Variants in BMP7 observed in about 807,000 individuals in gnomAD.
The protein encoded by BMP7 is osteogenic protein 1.
Under a neutral mutation model 41.2 loss-of-function variants are expected in BMP7, and 12 were observed. That is an observed-to-expected ratio of 0.29 (90% CI 0.19 to 0.47). The LOEUF is 0.47. Ranked by LOEUF, BMP7 falls within the 20% of genes least tolerant of loss-of-function variation. The pLI is 0.99. For missense variants in BMP7, 467 were observed against 606.0 expected (o/e 0.77, Z 2.41); for synonymous variants, 248 against 250.0 (o/e 0.99, Z 0.07).
intron 1 of BMP7, among the ~76,000 whole-genome samples, chr20:57,249,364 A>C (rs2066103219): frequency 6.6e-6 from 1 of 152,122 alleles, no homozygotes; most frequent in African/African-American, 2.4e-5. Context: ...CAACGGAAGA[A>C]GCAGTGATCT....
In BMP7 at chr20:57,171,060, T is replaced by C. The variant is rs2123054217; in HGVS notation, c.1195A>G (p.Thr399Ala). ...ETVPKPCCAP[T>A]QLNAISVLYF... ...AGGACGGAGATGGCATTGAGCTGCG[T>C]GGGCGCACAGCAGGGCTTGGGCACC... is the stretch of plus-strand genomic sequence containing the variant. The change falls in exon 7 of 7, where the codon ACG (threonine) becomes GCG (alanine). Residue 399 changes from threonine to alanine, a missense_variant. Thr to Ala is a moderately conservative substitution (Grantham distance 58, BLOSUM62 0). Around this residue, in one of 2 missense-constraint regions of BMP7, gnomAD observed 60 missense variants for 120.1 expected, o/e 0.50. Transcript: ENST00000395863. The surrounding 1 kb of genome is among the most constrained non-coding windows in gnomAD (Gnocchi z 4.5). 1 of 1,614,218 alleles carries C rather than the reference T, an allele frequency of 6.2e-7. No homozygotes were observed. Among genetic ancestry groups the C allele is most frequent in the East Asian group, 2.2e-5 (1 of 44,892 alleles).
intron 1 of BMP7, among the ~76,000 whole-genome samples, chr20:57,238,026 C>T (rs141552118): frequency 6.6e-5 from 10 of 152,326 alleles, no homozygotes; most frequent in South Asian, 6.2e-4. Context: ...TTTAAACACA[C>T]GGGATACCAT....
intron 1 of BMP7, among the ~76,000 whole-genome samples, chr20:57,233,495 G>T (rs1245423756): frequency 3.3e-5 from 5 of 152,224 alleles, no homozygotes; most frequent in Admixed American, 6.5e-5. Flanking sequence ...GGGCTGGAAG[G>T]TGTCAATAAT....
intron 2 of BMP7, among the ~76,000 whole-genome samples, chr20:57,219,693 A>G (rs46995): frequency 0.64 from 97,867 of 152,042 alleles, 32,601 homozygotes; most frequent in African/African-American, 0.82. Flanking sequence ...CGGGACTAGG[A>G]TGAGGGTGCA....
chr20:57,189,893 G>T (rs886473374), intron 3 of BMP7, among the ~76,000 whole-genome samples: 1 of 152,246 alleles, frequency 6.6e-6, no homozygotes, highest in East Asian at 1.9e-4. Flanking sequence ...GCACAGTGCT[G>T]TGTCTGATGG....
intron 3 of BMP7, among the ~76,000 whole-genome samples, chr20:57,190,076 G>A (rs993753594): frequency 6.6e-6 from 1 of 152,256 alleles, no homozygotes; most frequent in Non-Finnish European, 1.5e-5. Context: ...CAGTGAAGAG[G>A]CCAGTGAGGC....
At position 57,265,964 on chromosome 20, in the gene BMP7, C is replaced by G; in HGVS notation, c.159G>C (p.Glu53Asp). The change falls in exon 1 of 7, where the codon GAG becomes GAC. Residue 53 changes from glutamate to aspartate, a missense_variant. Physicochemically the swap from Glu to Asp is conservative, Grantham distance 45 (BLOSUM62 2). Coordinates refer to ENST00000395863, the MANE Select transcript of BMP7 (RefSeq NM_001719.3). ...AAATGGAGAGGATCTCGCGCTGCAT[C>G]TCCCGCCGCTCCTGGCTGCGGAGGC... ...HRRLRSQERR[E>D]MQREILSILG... The G allele has an allele frequency of 6.4e-7, 1 of 1,550,748 alleles. No individual in the cohort carries two copies. The highest frequency in any genetic ancestry group is 8.7e-7 in the Non-Finnish European group (1 of 1,147,084).
Position 57,228,195 on chromosome 20 carries a change from C to T in BMP7, c.611+34G>A. 6.2e-7 allele frequency: 1 copy of T among 1,608,480 alleles called. No individual in the cohort carries two copies. The highest frequency in any genetic ancestry group is 1.3e-5 in the African/African-American group (1 of 74,896). ...TCTTCCTCTGCCCCCAGAGGAAACT[C>T]AGCACCTCTCCCAGATACCCGTATA... On this transcript the variant is annotated intron_variant, in intron 2 of 6. Transcript: ENST00000395863. This position sits in a 1 kb window ranked among gnomAD's most constrained non-coding sequence, Gnocchi z 4.5.
chr20:57,259,789 GA>G lies in BMP7; in HGVS notation c.418+5915del, dbSNP rs1485099547. On this transcript the variant is annotated intron_variant, in intron 1 of 6. Transcript: ENST00000395863. This position sits in a 1 kb window ranked among gnomAD's most constrained non-coding sequence, Gnocchi z 4.7. ...ATCATAAACACTCTACTTTGGAGCG[GA>G]AAAAAATACACAGCAGCAGTCCTAG... Among the ~76,000 whole-genome samples the G allele has an allele frequency of 6.6e-6, 1 of 151,874 alleles. No homozygotes were observed. The highest frequency in any genetic ancestry group is 6.6e-5 in the Admixed American group (1 of 15,258).
chr20:57,213,763 C>G lies in BMP7; in HGVS notation c.612-11140G>C, dbSNP rs891810261. ...GCTCAGGGATGTAGGCTGTAGGGCT[C>G]CAGGCTCTGAGTTGAGGAAAATTGG... On this transcript the variant is annotated intron_variant, in intron 2 of 6. Transcript: ENST00000395863. This position sits in a 1 kb window ranked among gnomAD's most constrained non-coding sequence, Gnocchi z 4.4. Among the ~76,000 whole-genome samples, 1 of 152,158 alleles carries G rather than the reference C, an allele frequency of 6.6e-6. No homozygotes were observed. Among genetic ancestry groups the G allele is most frequent in the Non-Finnish European group, 1.5e-5 (1 of 68,034 alleles).
chr20:57,210,224 C>T (rs574689978), intron 2 of BMP7, among the ~76,000 whole-genome samples: 1 of 152,212 alleles, frequency 6.6e-6, no homozygotes, highest in African/African-American at 2.4e-5. Context: ...TATTTAACCA[C>T]CAGCCTGGGG....
intron 2 of BMP7, among the ~76,000 whole-genome samples, chr20:57,203,373 G>A (rs926862209): frequency 1.3e-5 from 2 of 152,100 alleles, no homozygotes; most frequent in African/African-American, 4.8e-5. Context: ...GGATGGATGG[G>A]TAGATGGGTA....
At chr20:57,231,146 C>T (rs1010117811) in intron 1 of BMP7, among the ~76,000 whole-genome samples, 8 of 152,222 alleles carry the variant, frequency 5.3e-5, no homozygotes, top group South Asian at 2.1e-4. Flanking sequence ...TTTGAACAGT[C>T]GCTGCAGGGC....
intron 1 of BMP7, among the ~76,000 whole-genome samples, chr20:57,243,119 G>A (rs2066076314): frequency 6.6e-6 from 1 of 152,218 alleles, no homozygotes; most frequent in African/African-American, 2.4e-5. Flanking sequence ...CTGCTTTGTA[G>A]CACCAAGGGT....
intron 4 of BMP7, among the ~76,000 whole-genome samples, chr20:57,182,772 G>A (rs974423997): frequency 2.0e-5 from 3 of 152,246 alleles, no homozygotes; most frequent in African/African-American, 7.2e-5. Context: ...GACCTGCAGA[G>A]CACGACCTCC....
Position 57,228,465 on chromosome 20 carries a change from G to A in BMP7, c.419-44C>T, listed in dbSNP as rs780963483. 5 of 1,602,670 alleles carry A rather than the reference G, an allele frequency of 3.1e-6. No homozygotes were observed. Among genetic ancestry groups the A allele is most frequent in the Non-Finnish European group, 4.3e-6 (5 of 1,169,630 alleles). On this transcript the variant is annotated intron_variant, in intron 1 of 6. Transcript: ENST00000395863. This position sits in a 1 kb window ranked among gnomAD's most constrained non-coding sequence, Gnocchi z 4.5. ...ACACACCAACACCGACAGCTCATTAGTGTCTGGGTTTCACTCTCTGGCTCT... is the reference window on the plus strand; with the variant it reads ...ACACACCAACACCGACAGCTCATTAATGTCTGGGTTTCACTCTCTGGCTCT...
intron 1 of BMP7, among the ~76,000 whole-genome samples, chr20:57,265,062 A>AAAAG (rs2066170345): frequency 5.6e-5 from 5 of 88,926 alleles, no homozygotes; most frequent in African/African-American, 8.5e-5. Flanking sequence ...GAAAAGAAAA[A>AAAAG]AAAAGAAAAA....
intron 1 of BMP7, among the ~76,000 whole-genome samples, chr20:57,263,609 G>T (rs2066161993): frequency 2.0e-5 from 3 of 152,150 alleles, no homozygotes; most frequent in Non-Finnish European, 4.4e-5. Context: ...AGGCTCTGAA[G>T]GCAGCCACTG....
At chr20:57,236,047 G>A (rs2066046305) in intron 1 of BMP7, among the ~76,000 whole-genome samples, 2 of 152,122 alleles carry the variant, frequency 1.3e-5, no homozygotes, top group South Asian at 4.1e-4. Flanking sequence ...GGCACCCGAG[G>A]TAGGCATCAC....
Sources: gnomAD v4.1 joint callset for allele counts (sites outside exome capture counted in the v4.1 genomes callset) on GRCh38, gnomAD v4.1.1 for gene constraint, gnomAD v4.1.1 regional missense constraint, Gnocchi (gnomAD v3.1) non-coding constraint, MANE v1.5 for transcripts, NCBI Gene and HGNC (gene_info 2026-07-23, HGNC 2026-07-21) for gene names.